SMOC2: variants seen among roughly 807,000 people sequenced by gnomAD.
The protein encoded by SMOC2 is SPARC related modular calcium binding 2.
Under a neutral mutation model 61.4 loss-of-function variants are expected in SMOC2, and 39 were observed. The observed-to-expected ratio is 0.64, with a 90% CI of 0.49 to 0.83. SMOC2 has a LOEUF of 0.83. Among genes scored for constraint, SMOC2 ranks in the 40% least tolerant of loss-of-function variants. The pLI is 0.00. For missense variants in SMOC2, 556 were observed against 592.9 expected, an observed-to-expected ratio of 0.94 and a Z score of 0.65; for synonymous variants, 247 against 239.9, an observed-to-expected ratio of 1.03 and a Z score of -0.27.
At chr6:168,531,084 G>C (rs1783589995) in intron 4 of SMOC2, among the ~76,000 whole-genome samples, 1 of 152,162 alleles carries the variant, frequency 6.6e-6, no homozygotes, top group South Asian at 2.1e-4. Flanking sequence ...TCCCACAGCT[G>C]AGAGTCAGAA....
intron 1 of SMOC2, among the ~76,000 whole-genome samples, chr6:168,493,050 T>G (rs1782504913): frequency 6.6e-6 from 1 of 152,136 alleles, no homozygotes; most frequent in Non-Finnish European, 1.5e-5. Flanking sequence ...TGATTTTTTT[T>G]TTTTGAGACA....
At chr6:168,636,813 T>G (rs572843619) in intron 9 of SMOC2, among the ~76,000 whole-genome samples, 224 of 151,384 alleles carry the variant, frequency 1.5e-3, no homozygotes, top group Admixed American at 5.8e-3. Context: ...AGGGCACACA[T>G]GCCTGGCCCT....
chr6:168,596,929 T>G (rs1298545430), intron 7 of SMOC2, among the ~76,000 whole-genome samples: 1 of 152,252 alleles, frequency 6.6e-6, no homozygotes, highest in African/African-American at 2.4e-5. Context: ...TTTCTGCTTC[T>G]TCTCTTGTTC....
At chr6:168,505,144 CCATCTCTCAGA>C (rs1562560035) in intron 1 of SMOC2, among the ~76,000 whole-genome samples, 6 of 149,564 alleles carry the variant, frequency 4.0e-5, no homozygotes. Context: ...AATGAAATGT[CCATCTCTCAGA>C]TGCCAGATGA....
chr6:168,586,776 T>G (rs1369097622), intron 7 of SMOC2, among the ~76,000 whole-genome samples: 2 of 152,242 alleles, frequency 1.3e-5, no homozygotes, highest in Admixed American at 6.5e-5. Context: ...TATTCATTAG[T>G]AATATATAAA....
At chr6:168,509,734 A>G (rs1433902256) in intron 1 of SMOC2, among the ~76,000 whole-genome samples, 181 bp from the exon 2 acceptor site, 1 of 152,240 alleles carries the variant, frequency 6.6e-6, no homozygotes, top group Non-Finnish European at 1.5e-5. Context: ...CTTTTGAAAC[A>G]GATGATGGCT....
At chr6:168,473,297 G>A (rs918243966) in intron 1 of SMOC2, among the ~76,000 whole-genome samples, 1 of 152,156 alleles carries the variant, frequency 6.6e-6, no homozygotes, top group Non-Finnish European at 1.5e-5. Context: ...GTATTGAATG[G>A]CTCGAAAGTT....
chr6:168,512,928 G>C (rs1783042744), intron 2 of SMOC2, among the ~76,000 whole-genome samples: 2 of 152,238 alleles, frequency 1.3e-5, no homozygotes, highest in South Asian at 4.1e-4. Context: ...TGGAAAATGT[G>C]TGGAAGTGAA....
rs1040178307 is a variant in SMOC2, at chr6:168,586,711, C to A, written c.638-12107C>A. On this transcript the variant is annotated intron_variant, in intron 7 of 12. Transcript: ENST00000356284. ...TCTTTGATAAAATTCTTTCTAAGCA[C>A]TTTTATGTTTTTGATATTATAGCAA... Among the ~76,000 whole-genome samples the A allele has an allele frequency of 3.3e-5, 5 of 152,142 alleles. No homozygotes were observed. In the South Asian group the frequency reaches 1.0e-3, roughly 32 times the overall value.
chr6:168,630,761 G>T (rs867375468), intron 9 of SMOC2, among the ~76,000 whole-genome samples: 1 of 152,172 alleles, frequency 6.6e-6, no homozygotes, highest in Non-Finnish European at 1.5e-5. Context: ...TGCGCTTGCG[G>T]GTAGGTCTCT....
chr6:168,546,586 A>G (rs1191741427), intron 5 of SMOC2, among the ~76,000 whole-genome samples: 2 of 152,046 alleles, frequency 1.3e-5, no homozygotes, highest in African/African-American at 2.4e-5. Flanking sequence ...CCTTACTTAG[A>G]TTATGCCATG....
chr6:168,474,065 A>AGT (rs1397814022), intron 1 of SMOC2, among the ~76,000 whole-genome samples: 1 of 152,080 alleles, frequency 6.6e-6, no homozygotes, highest in African/African-American at 2.4e-5. Flanking sequence ...GTGAGGGCTC[A>AGT]GTGTAGTGGT....
intron 7 of SMOC2, among the ~76,000 whole-genome samples, chr6:168,580,741 G>A (rs1784901700): frequency 6.6e-6 from 1 of 152,062 alleles, no homozygotes; most frequent in Non-Finnish European, 1.5e-5. Context: ...TGAGGTCTTA[G>A]TATGTTGCCC....
chr6:168,623,458 A>G (rs1292576892), intron 9 of SMOC2, among the ~76,000 whole-genome samples: 2 of 149,412 alleles, frequency 1.3e-5, no homozygotes, highest in African/African-American at 5.0e-5. Flanking sequence ...CCGAGTAACT[A>G]GGACTACACA....
chr6:168,599,307 A>C lies in SMOC2; in HGVS notation c.824+303A>C, dbSNP rs1322729286. ...ACCCACACACACACATACCACACAC[A>C]CACCCCCACACTGTTTCACACACAC... is the stretch of plus-strand genomic sequence containing the variant. On this transcript the variant is annotated intron_variant, in intron 8 of 12. Transcript: ENST00000356284. Among the ~76,000 whole-genome samples, 9 of 124,164 alleles carry C rather than the reference A, an allele frequency of 7.2e-5. No homozygotes were observed. In the East Asian group the frequency reaches 1.3e-3, roughly 18 times the overall value. 81.5% of individuals were successfully genotyped at this position (124,164 alleles called of 152,430 possible).
intron 2 of SMOC2, among the ~76,000 whole-genome samples, chr6:168,520,885 T>C (rs1427234235): frequency 1.3e-5 from 2 of 152,210 alleles, no homozygotes; most frequent in African/African-American, 4.8e-5. Context: ...TGAAGATCAC[T>C]GTTTCTTGGC....
rs138749655 is a variant in SMOC2, at chr6:168,508,686, A to G, written c.85-1229A>G. 1.6e-3 allele frequency among the ~76,000 whole-genome samples: 237 copies of G among 152,168 alleles called. 1 individual carries two copies. Among genetic ancestry groups the G allele is most frequent in the Admixed American group, 7.1e-3 (108 of 15,278 alleles). ...GCCCCCCAGCTTCTGCTGAACCTCA[A>G]CCCTATTTTCCCCCTGCTCAAACTG... On this transcript the variant is annotated intron_variant, in intron 1 of 12. Transcript: ENST00000356284.
chr6:168,531,731 G>A (rs1231406753), intron 4 of SMOC2, among the ~76,000 whole-genome samples: 4 of 152,222 alleles, frequency 2.6e-5, no homozygotes, highest in African/African-American at 9.6e-5. Flanking sequence ...AATTGTAGGG[G>A]TTAAACCTAC....
At chr6:168,557,348 T>C (rs1392730423) in intron 7 of SMOC2, among the ~76,000 whole-genome samples, 2 of 152,206 alleles carry the variant, frequency 1.3e-5, no homozygotes, top group East Asian at 3.8e-4. Context: ...AAAATATGCA[T>C]AACTAAATTT....
Sources: gnomAD v4.1 joint callset for allele counts (sites outside exome capture counted in the v4.1 genomes callset) on GRCh38, gnomAD v4.1.1 for gene constraint, MANE v1.5 for transcripts, NCBI Gene and HGNC (gene_info 2026-07-23, HGNC 2026-07-21) for gene names.